SLC46A1: variants seen among roughly 807,000 people sequenced by gnomAD.
SLC46A1 encodes the protein proton-coupled folate transporter.
A neutral mutation model predicts 32.1 loss-of-function variants in SLC46A1; 17 were observed. That is an observed-to-expected ratio of 0.53 (90% CI 0.36 to 0.79). The LOEUF (loss-of-function observed/expected upper bound fraction) is 0.79. Ranked by LOEUF, SLC46A1 falls within the 30% of genes least tolerant of loss-of-function variation. SLC46A1 has a pLI of 0.00. For synonymous variants in SLC46A1, 240 were observed against 262.7 expected (o/e 0.91, Z 0.84); for missense variants, 517 against 588.2 (o/e 0.88, Z 1.25).
In SLC46A1 at chr17:28,400,758, A is replaced by C. The variant is rs2068187387; in HGVS notation, c.1174T>G (p.Phe392Val). 1.3e-6 allele frequency: 2 copies of C among 1,572,958 alleles called. No homozygotes were observed. Among genetic ancestry groups the C allele is most frequent in the East Asian group, 4.7e-5 (2 of 42,932 alleles). The change falls in exon 4 of 5, where the codon TTT (phenylalanine) becomes GTT (valine). Residue 392 changes from phenylalanine (F) to valine (V), a missense_variant. Coordinates refer to ENST00000612814, the MANE Select transcript of SLC46A1 (RefSeq NM_080669.6). ...CTATTCACACAGGCCACAGCAGAAAAGAGAGCACCTGTGAAGAAATAAATA... is the reference window on the plus strand; with the variant it reads ...CTATTCACACAGGCCACAGCAGAAACGAGAGCACCTGTGAAGAAATAAATA... The part of the protein sequence containing the change: ...LVRETEQGAL[F>V]SAVACVNSLA...
intron 2 of SLC46A1, chr17:28,402,570 T>C: frequency 2.5e-6 from 1 of 392,492 alleles, no homozygotes; most frequent in Admixed American, 3.6e-5. Flanking sequence ...TCTGAACCTC[T>C]TGTGGTCACA....
chr17:28,399,554 A>C lies in SLC46A1; in HGVS notation c.*102T>G. The C allele has an allele frequency of 1.1e-4, 138 of 1,212,602 alleles. No individual in the cohort carries two copies. The highest frequency in any genetic ancestry group is 1.5e-4 in the Non-Finnish European group (125 of 829,190). 75.1% of individuals were successfully genotyped at this position (1,212,602 alleles called of 1,614,324 possible). ...CCAAAGAGAGCACTGCCCTTAGACA[A>C]GAGTTGCTTGTCCTGCTGTGGGCTG... is the stretch of plus-strand genomic sequence containing the variant. On this transcript the variant is annotated 3_prime_UTR_variant, in exon 5 of 5. Coordinates refer to ENST00000612814, the MANE Select transcript of SLC46A1 (RefSeq NM_080669.6).
Position 28,394,796 on chromosome 17 carries a change from A to T in SLC46A1, c.*4860T>A, listed in dbSNP as rs1290271655. On this transcript the variant is annotated 3_prime_UTR_variant, in exon 5 of 5. Coordinates refer to ENST00000612814, the MANE Select transcript of SLC46A1 (RefSeq NM_080669.6). ...GCATGGGGTGAGCATTCCAAACTGG[A>T]GAAGTTAAGGTTTCACTTCCACAGG... is the stretch of plus-strand genomic sequence containing the variant. The T allele has an allele frequency of 6.6e-6, 1 of 152,240 alleles. No individual in the cohort carries two copies. The highest frequency in any genetic ancestry group is 1.5e-5 in the Non-Finnish European group (1 of 68,044). 9.4% of individuals were successfully genotyped at this position (152,240 alleles called of 1,614,324 possible). A position where few individuals can be genotyped will look rare whatever the true frequency, so the allele number is the denominator to read the frequency against.
chr17:28,404,062 C>G, intron 2 of SLC46A1: 1 of 155,370 alleles, frequency 6.4e-6, no homozygotes, highest in Middle Eastern at 3.4e-3. Context: ...TCCTCATTTA[C>G]TGGCCTGTTG....
Position 28,396,186 on chromosome 17 carries a change from T to C in SLC46A1, c.*3470A>G. 3 of 1,613,964 alleles carry C rather than the reference T, an allele frequency of 1.9e-6. No homozygotes were observed. Among genetic ancestry groups the C allele is most frequent in the Non-Finnish European group, 2.5e-6 (3 of 1,179,852 alleles). ...TCCCACGAATACCAGGAGGCCACCA[T>C]TGAGAAGATCATCCGCTTCCTGCAG... On this transcript the variant is annotated 3_prime_UTR_variant, in exon 5 of 5. Coordinates refer to ENST00000612814, the MANE Select transcript of SLC46A1 (RefSeq NM_080669.6).
At chr17:28,406,308 G>A (rs1266175157), upstream of SLC46A1, 15 of 443,288 alleles carry the variant, frequency 3.4e-5, no homozygotes, top group Non-Finnish European at 4.5e-5. This position sits in a 1 kb window ranked among gnomAD's most constrained non-coding sequence, Gnocchi z 4.5. Flanking sequence ...CTGGCTGGGC[G>A]TGGGCCAGCG....
intron 4 of SLC46A1, 57 bp downstream of exon 4, chr17:28,400,553 G>A: frequency 5.6e-6 from 9 of 1,597,478 alleles, no homozygotes; most frequent in Non-Finnish European, 7.7e-6. Flanking sequence ...GAGGAGAAGA[G>A]GAAACTTTTA....
intron 3 of SLC46A1, 159 bp downstream of exon 3, chr17:28,402,079 T>C (rs1361516667): frequency 6.6e-6 from 4 of 605,564 alleles, no homozygotes; most frequent in Non-Finnish European, 8.6e-6. Flanking sequence ...CCTCTGCCCA[T>C]TGTGGGCAAT....
At position 28,396,331 on chromosome 17, in the gene SLC46A1, G is replaced by A. The variant is rs782539111; in HGVS notation, c.*3325C>T. 8.7e-6 allele frequency: 14 copies of A among 1,608,772 alleles called. No homozygotes were observed. The highest frequency in any genetic ancestry group is 1.8e-4 in the Middle Eastern group (1 of 5,502). ...CCCTGCTGTGACTTCCATTTCCATC[G>A]TCCTTTCTGAAGGAACAGCTCCTGA... On this transcript the variant is annotated 3_prime_UTR_variant, in exon 5 of 5. Transcript: ENST00000612814.
chr17:28,405,431 A>G lies in SLC46A1; in HGVS notation c.266T>C (p.Met89Thr). The change falls in exon 2 of 5, where the codon ATG becomes ACG. Residue 89 changes from methionine to threonine, a missense_variant. Physicochemically the swap from Met to Thr is moderately conservative, Grantham distance 81 (BLOSUM62 -1). Transcript: ENST00000612814. ...CCCCACCAGGAAGCCGCCCACGTTC[A>G]TGTAGAGGGTCCAGTGGGAGGTAAG... is the stretch of plus-strand genomic sequence containing the variant. ...ETLTSHWTLYMNVGGFLVGLF... is the reference protein window; with the variant it reads ...ETLTSHWTLYTNVGGFLVGLF... 1 of 1,595,156 alleles carries G rather than the reference A, an allele frequency of 6.3e-7. No homozygotes were observed. Among genetic ancestry groups the G allele is most frequent in the Non-Finnish European group, 8.5e-7 (1 of 1,171,752 alleles).
At position 28,396,338 on chromosome 17, in the gene SLC46A1, C is replaced by T; in HGVS notation, c.*3318G>A. The T allele has an allele frequency of 6.2e-7, 1 of 1,606,160 alleles. No homozygotes were observed. Among genetic ancestry groups the T allele is most frequent in the Admixed American group, 1.7e-5 (1 of 59,822 alleles). ...GTGACTTCCATTTCCATCGTCCTTT[C>T]TGAAGGAACAGCTCCTGAAACCAGT... On this transcript the variant is annotated 3_prime_UTR_variant, in exon 5 of 5. Coordinates refer to ENST00000612814, the MANE Select transcript of SLC46A1 (RefSeq NM_080669.6).
At chr17:28,401,468 A>G (rs999294943) in intron 3 of SLC46A1, 2 of 153,188 alleles carry the variant, frequency 1.3e-5, no homozygotes, top group African/African-American at 2.4e-5. Flanking sequence ...AGTCTCTGTC[A>G]TCATCAGATC....
rs1367357418 is a variant in SLC46A1 at position 28,395,425 on chromosome 17, G to A, written c.*4231C>T. The A allele has an allele frequency of 6.4e-6, 1 of 157,434 alleles. No individual in the cohort carries two copies. The highest frequency in any genetic ancestry group is 2.4e-5 in the African/African-American group (1 of 41,410). 9.8% of individuals were successfully genotyped at this position (157,434 alleles called of 1,614,324 possible). Reference sequence around the variant, plus strand: ...ACCTGGAGGCTCTTCAAAACCCCTTGTTTGGGGGTTTTTATGGAGGTTCCA... The same window carrying A: ...ACCTGGAGGCTCTTCAAAACCCCTTATTTGGGGGTTTTTATGGAGGTTCCA... On this transcript the variant is annotated 3_prime_UTR_variant, in exon 5 of 5. Coordinates refer to ENST00000612814, the MANE Select transcript of SLC46A1 (RefSeq NM_080669.6).
Position 28,396,862 on chromosome 17 carries a change from G to C in SLC46A1, c.*2794C>G, listed in dbSNP as rs1352922497. The C allele has an allele frequency of 1.3e-5, 2 of 152,846 alleles. No individual in the cohort carries two copies. The highest frequency in any genetic ancestry group is 3.8e-4 in the East Asian group (2 of 5,196). 9.5% of individuals were successfully genotyped at this position (152,846 alleles called of 1,614,324 possible). ...CCTTAGCTAGCCTGACTAAGTCCCA[G>C]ATCCCCTACAGCTTCCTTCGGTGTG... On this transcript the variant is annotated 3_prime_UTR_variant, in exon 5 of 5. Coordinates refer to ENST00000612814, the MANE Select transcript of SLC46A1 (RefSeq NM_080669.6).
intron 4 of SLC46A1, 174 bp from the exon 5 acceptor site, chr17:28,399,887 T>A: frequency 1.5e-6 from 1 of 652,888 alleles, no homozygotes; most frequent in Non-Finnish European, 2.7e-6. Context: ...GACATGGCTC[T>A]GGAAAATAAC....
Position 28,395,534 on chromosome 17 carries a change from G to A in SLC46A1, c.*4122C>T, listed in dbSNP as rs1381535094. 1.5e-5 allele frequency: 3 copies of A among 194,576 alleles called. No individual in the cohort carries two copies. Among genetic ancestry groups the A allele is most frequent in the Non-Finnish European group, 1.1e-5 (1 of 93,806 alleles). 12.1% of individuals were successfully genotyped at this position (194,576 alleles called of 1,614,324 possible). A position where few individuals can be genotyped will look rare whatever the true frequency, so the allele number is the denominator to read the frequency against. ...ACCTCTCTGGAGGCTGGGAGGTGGG[G>A]CTGAAAGTTCCAATCCTCTAGTCAT... is the stretch of plus-strand genomic sequence containing the variant. On this transcript the variant is annotated 3_prime_UTR_variant, in exon 5 of 5. Coordinates refer to ENST00000612814, the MANE Select transcript of SLC46A1 (RefSeq NM_080669.6).
chr17:28,406,118 C>T lies in SLC46A1; in HGVS notation c.-4G>A. 6.8e-7 allele frequency: 1 copy of T among 1,469,740 alleles called. No homozygotes were observed. Among genetic ancestry groups the T allele is most frequent in the Non-Finnish European group, 9.0e-7 (1 of 1,110,772 alleles). The allele number at this position is 1,469,740 out of a possible 1,614,324, so 91.0% of individuals were successfully genotyped here. A position where few individuals can be genotyped will look rare whatever the true frequency, so the allele number is the denominator to read the frequency against. ...GGGGGCTCGCGCTCCCCTCCATGTG[C>T]GTGCGCGGCGGAGCTGTCGCCAGGC... On this transcript the variant is annotated 5_prime_UTR_variant, in exon 1 of 5. Transcript: ENST00000612814. This position sits in a 1 kb window ranked among gnomAD's most constrained non-coding sequence, Gnocchi z 4.5.
chr17:28,399,956 T>A (rs1349530121), intron 4 of SLC46A1: 1 of 506,194 alleles, frequency 2.0e-6, no homozygotes, highest in Non-Finnish European at 3.6e-6. Context: ...GGCAGTGACA[T>A]AATCATAGCT....
In SLC46A1 at chr17:28,405,381, C is replaced by T. The variant is rs782248108; in HGVS notation, c.316G>A (p.Ala106Thr). The change falls in exon 2 of 5, where the codon GCT becomes ACT. Residue 106 changes from alanine (A) to threonine (T), a missense_variant. Physicochemically the swap from Ala to Thr is moderately conservative, Grantham distance 58 (BLOSUM62 0). Transcript: ENST00000612814. ...VGLFSSTLLG[A>T]WSDSVGRRPL... ...CGGCGGCCCACACTGTCGCTCCAAG[C>T]TCCCAGCAGGGTGGACGAGAAGAGC... 6.3e-7 allele frequency: 1 copy of T among 1,585,882 alleles called. No individual in the cohort carries two copies. The highest frequency in any genetic ancestry group is 1.2e-5 in the South Asian group (1 of 86,888).
Sources: gnomAD v4.1 joint callset for allele counts on GRCh38, gnomAD v4.1.1 for gene constraint, Gnocchi (gnomAD v3.1) non-coding constraint, MANE v1.5 for transcripts, NCBI Gene and HGNC (gene_info 2026-07-23, HGNC 2026-07-21) for gene names.